SYTL5: variants seen among roughly 807,000 people sequenced by gnomAD.
SYTL5 encodes the protein synaptotagmin like 5, also known as synaptotagmin-like protein 5.
Under a neutral mutation model 55.9 loss-of-function variants are expected in SYTL5, and 34 were observed. The observed-to-expected ratio is 0.61, with a 90% CI of 0.46 to 0.81. The LOEUF is 0.81. SYTL5 is among the 30% of genes least tolerant of loss of function. The pLI, the probability that SYTL5 is intolerant of heterozygous loss-of-function variation, is 0.00. For synonymous variants in SYTL5, 221 were observed against 188.7 expected (o/e 1.17, Z -1.40); for missense variants, 637 against 546.7 (o/e 1.17, Z -1.65).
At chrX:38,054,541 C>T in intron 3 of SYTL5, 119 bp downstream of exon 3, 2 of 646,990 alleles carry the variant, frequency 3.1e-6, no homozygotes, top group South Asian at 5.6e-5. Context: ...GGTGAAATTA[C>T]AGCCCAATCA....
At chrX:37,995,015 G>C in the SYTL5 span, among the ~76,000 whole-genome samples, 1 of 111,314 alleles carries the variant, frequency 9.0e-6, no homozygotes, top group East Asian at 2.8e-4. Flanking sequence ...GGGGTGGCCA[G>C]TGTGGAGTGT....
At chrX:37,910,967 CTTTTTT>C in the SYTL5 span, among the ~76,000 whole-genome samples, 2 of 82,756 alleles carry the variant, frequency 2.4e-5, no homozygotes, top group African/African-American at 1.1e-4. Flanking sequence ...GATAGCATTA[CTTTTTT>C]TTTTTTTTTT....
chrX:37,997,569 C>A, the SYTL5 span, among the ~76,000 whole-genome samples: 1 of 112,731 alleles, frequency 8.9e-6, no homozygotes, highest in African/African-American at 3.2e-5. Flanking sequence ...GCAGTGCTGA[C>A]ACACCAGTTC....
chrX:37,918,336 C>T, the SYTL5 span, among the ~76,000 whole-genome samples: 2 of 111,682 alleles, frequency 1.8e-5, no homozygotes, highest in African/African-American at 3.3e-5. Flanking sequence ...AGCTAGCCTG[C>T]TGGAGGATGA....
the SYTL5 span, among the ~76,000 whole-genome samples, chrX:37,972,457 G>T: frequency 0.18 from 20,034 of 110,791 alleles, 1,709 homozygotes; most frequent in Non-Finnish European, 0.26. Flanking sequence ...AAGCTCCAAC[G>T]CGGTGGGGCT....
the SYTL5 span, among the ~76,000 whole-genome samples, chrX:37,902,391 T>A: frequency 8.9e-6 from 1 of 112,344 alleles, no homozygotes; most frequent in African/African-American, 3.2e-5. Flanking sequence ...CATAACAAGC[T>A]GTGTGTCTGA....
At chrX:37,962,642 TCA>T in the SYTL5 span, among the ~76,000 whole-genome samples, 39,414 of 110,702 alleles carry the variant, frequency 0.36, 5,086 homozygotes, top group East Asian at 0.59. Context: ...CCTTGAGGAA[TCA>T]CCACACTGTC....
intron 1 of SYTL5, among the ~76,000 whole-genome samples, chrX:38,007,533 A>G (rs1934031402): frequency 8.9e-6 from 1 of 112,065 alleles, no homozygotes; most frequent in Non-Finnish European, 1.9e-5. Context: ...TCAAAATAGT[A>G]TAAAATATTG....
At chrX:37,917,277 C>T in the SYTL5 span, among the ~76,000 whole-genome samples, 1 of 111,860 alleles carries the variant, frequency 8.9e-6, no homozygotes, top group Non-Finnish European at 1.9e-5. Flanking sequence ...TATGTTCCAC[C>T]TCCTTGAAGG....
At chrX:38,123,979 GT>G (rs903341032) in intron 15 of SYTL5, among the ~76,000 whole-genome samples, 3 of 111,230 alleles carry the variant, frequency 2.7e-5, no homozygotes, top group Admixed American at 9.6e-5. Flanking sequence ...AACAAGACAA[GT>G]TTTTTTTCTC....
chrX:38,043,381 G>A (rs759573745), intron 2 of SYTL5, among the ~76,000 whole-genome samples: 5 of 104,130 alleles, frequency 4.8e-5, no homozygotes, highest in Admixed American at 2.1e-4. Context: ...ACTTTTATGT[G>A]TATATATATA....
chrX:38,105,948 G>T (rs1937199502), intron 10 of SYTL5, among the ~76,000 whole-genome samples: 1 of 111,998 alleles, frequency 8.9e-6, no homozygotes, highest in African/African-American at 3.2e-5. Context: ...TATTTTGTGG[G>T]CTGCTACTTT....
chrX:37,967,243 G>A, the SYTL5 span, among the ~76,000 whole-genome samples: 1 of 111,243 alleles, frequency 9.0e-6, no homozygotes, highest in Non-Finnish European at 1.9e-5. Flanking sequence ...GTAGAGACGG[G>A]GTTTTACCAT....
chrX:37,941,654 A>G, the SYTL5 span, among the ~76,000 whole-genome samples: 1 of 111,339 alleles, frequency 9.0e-6, no homozygotes, highest in African/African-American at 3.3e-5. Flanking sequence ...AAACACCCCA[A>G]CTTCTTTGAC....
intron 6 of SYTL5, among the ~76,000 whole-genome samples, chrX:38,088,897 C>T (rs1374064670): frequency 8.9e-6 from 1 of 112,106 alleles, no homozygotes; most frequent in Admixed American, 9.5e-5. Context: ...ATTAGGGAGC[C>T]AAACAAGACA....
At chrX:37,902,598 A>G in the SYTL5 span, among the ~76,000 whole-genome samples, 1 of 112,037 alleles carries the variant, frequency 8.9e-6, no homozygotes, top group African/African-American at 3.2e-5. Flanking sequence ...TATAATTGAC[A>G]TGCTACTTTT....
the SYTL5 span, among the ~76,000 whole-genome samples, chrX:37,926,127 GTGGATCAAATGGTAGC>G: frequency 8.9e-6 from 1 of 111,780 alleles, no homozygotes; most frequent in Non-Finnish European, 1.9e-5. Flanking sequence ...ATACCCAGTA[GTGGATCAAATGGTAGC>G]TGGATCAAAT....
At chrX:38,058,197 C>A (rs1935844118) in intron 3 of SYTL5, among the ~76,000 whole-genome samples, 1 of 111,045 alleles carries the variant, frequency 9.0e-6, no homozygotes, top group South Asian at 3.7e-4. Flanking sequence ...ATTTGAGTAT[C>A]CTAGATAACT....
rs763867304 is a variant in SYTL5 at position 38,102,388 on chromosome X, C to T, written c.1109C>T (p.Ser370Leu). ...GAAAGCATTGATGCCTTAGTGTCCT[C>T]GCAGTTATCTACAAACACTCACCGT... ...TEESIDALVS[S>L]QLSTNTHRLA... The change falls in exon 10 of 17, where the codon TCG (serine) becomes TTG (leucine). Residue 370 changes from serine (S) to leucine (L), a missense_variant. Coordinates refer to ENST00000297875, the MANE Select transcript of SYTL5 (RefSeq NM_138780.3). 7.5e-6 allele frequency: 9 copies of T among 1,207,425 alleles called. No homozygotes were observed. In the East Asian group the frequency reaches 2.4e-4, roughly 32 times the overall value.
Sources: allele counts gnomAD v4.1 joint callset (sites outside exome capture counted in the v4.1 genomes callset), GRCh38; gene constraint gnomAD v4.1.1; transcripts MANE v1.5; gene names NCBI Gene and HGNC (gene_info 2026-07-23, HGNC 2026-07-21).